Variants in DIP2C observed in about 807,000 individuals in gnomAD.
The protein encoded by DIP2C is DIP2 acetate--CoA ligase C (putative).
In DIP2C, 33 loss-of-function variants were observed where a neutral mutation model predicts 192.4. The observed-to-expected ratio is 0.17, with a 90% CI of 0.13 to 0.23. The LOEUF (loss-of-function observed/expected upper bound fraction) is 0.23, where lower values mean the gene tolerates loss of function less well. Among genes scored for constraint, DIP2C ranks in the 10% least tolerant of loss-of-function variants. DIP2C has a pLI of 1.00. For missense variants in DIP2C, 1,537 were observed against 2,110.1 expected, an observed-to-expected ratio of 0.73 and a Z score of 5.32; for synonymous variants, 979 against 864.1, an observed-to-expected ratio of 1.13 and a Z score of -2.33.
intron 1 of DIP2C, among the ~76,000 whole-genome samples, chr10:515,808 G>A (rs983006743): frequency 1.3e-5 from 2 of 152,036 alleles, no homozygotes; most frequent in Admixed American, 6.6e-5. Context: ...ACACGGCAAT[G>A]GTTATCACCT....
Position 341,295 on chromosome 10 carries a change from G to A in DIP2C, c.3488C>T (p.Ser1163Phe), listed in dbSNP as rs774110002. 1.2e-6 allele frequency: 2 copies of A among 1,614,172 alleles called. No individual in the cohort carries two copies. Among genetic ancestry groups the A allele is most frequent in the Non-Finnish European group, 1.7e-6 (2 of 1,180,040 alleles). ...GTAAAGTTCACACTGCAGCTTAATG[G>A]AACGGCAGAAGGCACTGGTGGCTGC... ...SHAATSAFCR[S>F]IKLQCELYPS... Residue 1163 changes from serine (S) to phenylalanine (F), a missense_variant, in exon 29 of 37, where the codon TCC becomes TTC. Ser to Phe is a radical substitution (Grantham distance 155). Around this residue, in one of 4 missense-constraint regions of DIP2C, gnomAD observed 341 missense variants for 551.7 expected, o/e 0.62. Coordinates refer to ENST00000280886, the MANE Select transcript of DIP2C (RefSeq NM_014974.3).
intron 1 of DIP2C, among the ~76,000 whole-genome samples, chr10:501,604 A>T (rs1030648953): frequency 2.6e-5 from 4 of 152,086 alleles, no homozygotes; most frequent in African/African-American, 9.7e-5. Flanking sequence ...TCAATAATCA[A>T]AGTGCAAAAC....
chr10:626,646 C>T (rs556080928), intron 1 of DIP2C, among the ~76,000 whole-genome samples: 22 of 152,210 alleles, frequency 1.4e-4, no homozygotes, highest in South Asian at 8.3e-4. Context: ...CTATTCAGGA[C>T]GGGGGACACA....
At chr10:499,124 G>T (rs1044033272) in intron 1 of DIP2C, among the ~76,000 whole-genome samples, 2 of 152,158 alleles carry the variant, frequency 1.3e-5, no homozygotes, top group African/African-American at 4.8e-5. Context: ...GAACAGTATG[G>T]CTGAACCCCA....
chr10:297,074 G>A (rs893510309), intron 32 of DIP2C, among the ~76,000 whole-genome samples: 4 of 151,918 alleles, frequency 2.6e-5, no homozygotes, highest in African/African-American at 9.7e-5. Context: ...GTGGCCTGTA[G>A]TCCCAGCTAC....
intron 1 of DIP2C, among the ~76,000 whole-genome samples, chr10:601,079 C>CG (rs1241123607): frequency 1.3e-5 from 2 of 152,224 alleles, no homozygotes; most frequent in African/African-American, 4.8e-5. Context: ...GAATTTGCCA[C>CG]TTCAGCCTAC....
chr10:388,274 C>A (rs1174251323), intron 13 of DIP2C, among the ~76,000 whole-genome samples: 1 of 152,180 alleles, frequency 6.6e-6, no homozygotes, highest in East Asian at 1.9e-4. Context: ...GGAGGCACTG[C>A]AATTTGGAAG....
intron 1 of DIP2C, among the ~76,000 whole-genome samples, chr10:522,485 G>A (rs1391505869): frequency 8.5e-5 from 13 of 152,324 alleles, no homozygotes; most frequent in East Asian, 1.9e-4. Flanking sequence ...ATGGGAAACC[G>A]CCTTCCACAG....
chr10:369,293 C>A (rs1960673602), intron 18 of DIP2C, among the ~76,000 whole-genome samples: 1 of 152,186 alleles, frequency 6.6e-6, no homozygotes, highest in Non-Finnish European at 1.5e-5. Context: ...CCTTCCCCAT[C>A]TTCTTGATCG....
chr10:650,293 C>T (rs1487767666), intron 1 of DIP2C: 2 of 716,806 alleles, frequency 2.8e-6, no homozygotes, highest in Non-Finnish European at 5.2e-6. Flanking sequence ...GATTTCAGGG[C>T]CAGGGACCAT....
intron 1 of DIP2C, among the ~76,000 whole-genome samples, chr10:637,330 T>A (rs1009617728): frequency 4.0e-5 from 6 of 149,366 alleles, no homozygotes; most frequent in Non-Finnish European, 8.8e-5. Context: ...AACAGAAAAT[T>A]CACAACCTGC....
intron 1 of DIP2C, among the ~76,000 whole-genome samples, chr10:632,387 G>A (rs558899843): frequency 1.1e-3 from 162 of 150,542 alleles, no homozygotes; most frequent in Non-Finnish European, 1.1e-3. Flanking sequence ...TGCGGGCACC[G>A]GTGTGAACCC....
intron 1 of DIP2C, among the ~76,000 whole-genome samples, chr10:501,426 T>G (rs1276896871): frequency 1.3e-5 from 2 of 152,142 alleles, no homozygotes; most frequent in African/African-American, 4.8e-5. Flanking sequence ...CAATACCAAC[T>G]TTTATGAAAC....
intron 1 of DIP2C, among the ~76,000 whole-genome samples, chr10:552,910 G>C (rs1848656905): frequency 6.6e-6 from 1 of 152,272 alleles, no homozygotes; most frequent in Admixed American, 6.5e-5. Flanking sequence ...GGAGTGGACA[G>C]AGCTTGGGAA....
intron 2 of DIP2C, among the ~76,000 whole-genome samples, chr10:481,565 CAT>C (rs1401218259): frequency 1.3e-5 from 2 of 152,222 alleles, no homozygotes; most frequent in African/African-American, 2.4e-5. Context: ...TGCTGAGGTA[CAT>C]GTTACCCTCT....
chr10:608,156 AC>A (rs1174487974), intron 1 of DIP2C, among the ~76,000 whole-genome samples: 2 of 13,826 alleles, frequency 1.4e-4, no homozygotes, highest in Non-Finnish European at 2.2e-4. Context: ...CCCCACACAC[AC>A]CCCCACAGCC....
intron 1 of DIP2C, chr10:664,712 A>G (rs1564322333): frequency 6.6e-6 from 1 of 152,214 alleles, no homozygotes; most frequent in Non-Finnish European, 1.5e-5. Flanking sequence ...TAAAAAATGT[A>G]TATTCTGAAA....
chr10:608,037 G>C (rs1331246426), intron 1 of DIP2C, among the ~76,000 whole-genome samples: 1 of 151,212 alleles, frequency 6.6e-6, no homozygotes, highest in Non-Finnish European at 1.5e-5. Context: ...TTCTCCACTA[G>C]AATATGCACA....
intron 3 of DIP2C, among the ~76,000 whole-genome samples, chr10:462,501 A>G (rs908313287): frequency 2.6e-5 from 4 of 152,234 alleles, no homozygotes; most frequent in Non-Finnish European, 5.9e-5. Context: ...GAATAGACCA[A>G]TAACAAGTTC....
Sources: gnomAD v4.1 joint callset for allele counts (sites outside exome capture counted in the v4.1 genomes callset) on GRCh38, gnomAD v4.1.1 for gene constraint, gnomAD v4.1.1 regional missense constraint, MANE v1.5 for transcripts, NCBI Gene and HGNC (gene_info 2026-07-23, HGNC 2026-07-21) for gene names.